Variants in KIAA1217 observed in about 807,000 individuals in gnomAD.
KIAA1217 encodes KIAA1217, also known as sickle tail protein homolog.
A neutral mutation model predicts 163.9 loss-of-function variants in KIAA1217; 88 were observed. The observed-to-expected ratio is 0.54, with a 90% CI of 0.45 to 0.64. The LOEUF is 0.64. KIAA1217 is among the 30% of genes least tolerant of loss of function. The pLI is 0.00. For synonymous variants in KIAA1217, 903 were observed against 923.1 expected (o/e 0.98, Z 0.39); for missense variants, 2,372 against 2,475.0 (o/e 0.96, Z 0.88).
chr10:24,075,507 G>A (rs1471471683), intron 2 of KIAA1217, among the ~76,000 whole-genome samples: 1 of 151,808 alleles, frequency 6.6e-6, no homozygotes. Context: ...AGCAATTTAG[G>A]TCCTCAATCT....
chr10:24,337,424 C>G (rs189372046), intron 2 of KIAA1217, among the ~76,000 whole-genome samples: 1 of 152,242 alleles, frequency 6.6e-6, no homozygotes, highest in Non-Finnish European at 1.5e-5. Context: ...TGAAAGGGTT[C>G]TGGGAAGTTG....
intron 1 of KIAA1217, among the ~76,000 whole-genome samples, chr10:23,778,193 G>A (rs1835093095): frequency 6.6e-6 from 1 of 152,110 alleles, no homozygotes; most frequent in Non-Finnish European, 1.5e-5. Context: ...CCCCCCTTCG[G>A]CCTCCCAAAG....
At chr10:24,201,994 A>G (rs1308830647) in intron 2 of KIAA1217, among the ~76,000 whole-genome samples, 5 of 152,092 alleles carry the variant, frequency 3.3e-5, no homozygotes, top group African/African-American at 1.2e-4. Flanking sequence ...GAGGGAGTGC[A>G]GGCTGCACGC....
At chr10:24,186,423 T>C (rs11013944) in intron 2 of KIAA1217, among the ~76,000 whole-genome samples, 53,014 of 152,104 alleles carry the variant, frequency 0.35, 9,721 homozygotes, top group South Asian at 0.43. Context: ...ATTTGATCTG[T>C]ACTCATTTTT....
At chr10:24,265,148 G>A (rs527835097) in intron 2 of KIAA1217, among the ~76,000 whole-genome samples, 23 of 152,180 alleles carry the variant, frequency 1.5e-4, no homozygotes, top group Non-Finnish European at 3.2e-4. Context: ...TAAGATTACA[G>A]GCATGAGCCT....
intron 2 of KIAA1217, among the ~76,000 whole-genome samples, chr10:24,014,510 C>G (rs1490819338): frequency 1.3e-5 from 2 of 152,072 alleles, no homozygotes; most frequent in African/African-American, 2.4e-5. Flanking sequence ...TATCGTTAGT[C>G]TGTTATGTGA....
chr10:23,964,620 A>T (rs1254782677), intron 1 of KIAA1217, among the ~76,000 whole-genome samples: 1 of 151,754 alleles, frequency 6.6e-6, no homozygotes, highest in Non-Finnish European at 1.5e-5. Flanking sequence ...CAGTGGCACC[A>T]TCTCGGCTCA....
intron 1 of KIAA1217, among the ~76,000 whole-genome samples, chr10:24,004,764 AAAG>A (rs773836345): frequency 3.9e-5 from 6 of 152,238 alleles, no homozygotes; most frequent in Non-Finnish European, 5.9e-5. Context: ...CAGAAAGGGA[AAAG>A]AAGAGAGCAA....
intron 1 of KIAA1217, among the ~76,000 whole-genome samples, chr10:23,709,156 C>A (rs935092583): frequency 1.3e-5 from 2 of 152,106 alleles, no homozygotes; most frequent in Admixed American, 6.5e-5. Context: ...CACCAGCCTG[C>A]GGCCACTTGA....
chr10:24,342,727 C>T (rs773844100), intron 2 of KIAA1217, among the ~76,000 whole-genome samples: 1 of 147,180 alleles, frequency 6.8e-6, no homozygotes, highest in Admixed American at 6.9e-5. Flanking sequence ...GGCGCAATCT[C>T]GGCTCACTGC....
rs533382277 is a variant in KIAA1217, at chr10:24,046,299, A to T, written c.-171+38925A>T. On this transcript the variant is annotated intron_variant, in intron 2 of 18. Coordinates refer to the KIAA1217 transcript ENST00000376462. Reference sequence around the variant, plus strand: ...TTCCTATGTGGCCAGCACACTTCTAAGCACATTATAAATACACTGACTCAT... The same window carrying T: ...TTCCTATGTGGCCAGCACACTTCTATGCACATTATAAATACACTGACTCAT... Among the ~76,000 whole-genome samples, 6 of 152,246 alleles carry T rather than the reference A, an allele frequency of 3.9e-5. No individual in the cohort carries two copies. In the East Asian group the frequency reaches 5.8e-4, roughly 15 times the overall value.
At chr10:23,993,029 C>CTT (rs1188657000) in intron 1 of KIAA1217, among the ~76,000 whole-genome samples, 17,889 of 118,520 alleles carry the variant, frequency 0.15, 2,137 homozygotes, top group Non-Finnish European at 0.21. Context: ...TGATAGCTTC[C>CTT]TTTTTTTTTT....
chr10:24,426,169 A>G (rs185504298), intron 3 of KIAA1217, among the ~76,000 whole-genome samples: 1 of 152,344 alleles, frequency 6.6e-6, no homozygotes, highest in East Asian at 1.9e-4. Context: ...TGCTATTCCA[A>G]AAGGCAAGCA....
At chr10:24,055,894 G>T (rs1033520598) in intron 2 of KIAA1217, among the ~76,000 whole-genome samples, 1 of 151,740 alleles carries the variant, frequency 6.6e-6, no homozygotes, top group Admixed American at 6.6e-5. Flanking sequence ...AATAACAGGA[G>T]CTGTACATAA....
At chr10:24,035,555 G>T (rs1057115177) in intron 2 of KIAA1217, among the ~76,000 whole-genome samples, 1 of 152,158 alleles carries the variant, frequency 6.6e-6, no homozygotes, top group African/African-American at 2.4e-5. Context: ...AGCTTCTGAG[G>T]CAGAGTGTAG....
At chr10:24,396,803 A>G (rs573479256) in intron 3 of KIAA1217, among the ~76,000 whole-genome samples, 1 of 152,316 alleles carries the variant, frequency 6.6e-6, no homozygotes, top group East Asian at 1.9e-4. Context: ...TGCAAAACAA[A>G]CACTCTGGCT....
At chr10:23,848,785 A>G (rs1265523261) in intron 1 of KIAA1217, among the ~76,000 whole-genome samples, 2 of 152,118 alleles carry the variant, frequency 1.3e-5, no homozygotes, top group Non-Finnish European at 2.9e-5. Context: ...CTGGAGAGTC[A>G]CATGGCTCCA....
In KIAA1217 at chr10:24,544,500, A is replaced by C; in HGVS notation, c.5211+19A>C. 1.9e-6 allele frequency: 3 copies of C among 1,582,402 alleles called. No individual in the cohort carries two copies. The highest frequency in any genetic ancestry group is 2.6e-6 in the Non-Finnish European group (3 of 1,163,722). On this transcript the variant is annotated intron_variant, in intron 19 of 20. Coordinates refer to ENST00000376454, the MANE Select transcript of KIAA1217 (RefSeq NM_019590.5). ...ACGTAAGGTATCTTGGTCTGCTGGA[A>C]AATGAAAAGACCCAGCTGCTTTCCT...
intron 2 of KIAA1217, among the ~76,000 whole-genome samples, chr10:24,075,804 A>G (rs959679496): frequency 6.6e-6 from 1 of 151,982 alleles, no homozygotes; most frequent in African/African-American, 2.4e-5. Context: ...GGGTTTCACC[A>G]TGTTGGTCAG....
Sources: gnomAD v4.1 joint callset for allele counts (sites outside exome capture counted in the v4.1 genomes callset) on GRCh38, gnomAD v4.1.1 for gene constraint, MANE v1.5 for transcripts, NCBI Gene and HGNC (gene_info 2026-07-23, HGNC 2026-07-21) for gene names.